RAB11FIP4: variants seen among roughly 807,000 people sequenced by gnomAD.
RAB11FIP4 encodes the protein rab11 family-interacting protein 4.
In RAB11FIP4, 23 loss-of-function variants were observed where a neutral mutation model predicts 74.3. That is an observed-to-expected ratio of 0.31 (90% confidence interval 0.22 to 0.44). The LOEUF is 0.44. RAB11FIP4 is among the 20% of genes least tolerant of loss of function. RAB11FIP4 has a pLI of 1.00. For missense variants in RAB11FIP4, 630 were observed against 863.9 expected (o/e 0.73, Z 3.39); for synonymous variants, 360 against 359.9 (o/e 1.00, Z 0.00).
At chr17:31,411,540 G>A (rs2071096030) in intron 1 of RAB11FIP4, among the ~76,000 whole-genome samples, 1 of 152,200 alleles carries the variant, frequency 6.6e-6, no homozygotes, top group Non-Finnish European at 1.5e-5. Context: ...GTGTGTAGGT[G>A]CCACACGCCT....
At chr17:31,445,798 C>T (rs898987332) in intron 3 of RAB11FIP4, among the ~76,000 whole-genome samples, 17 of 150,442 alleles carry the variant, frequency 1.1e-4, no homozygotes, top group African/African-American at 3.7e-4. Context: ...ACCATGTTGG[C>T]CAGGCTGGTC....
intron 1 of RAB11FIP4, among the ~76,000 whole-genome samples, chr17:31,396,041 C>T (rs1303518349): frequency 6.6e-6 from 1 of 151,698 alleles, no homozygotes; most frequent in Non-Finnish European, 1.5e-5. Flanking sequence ...AAAATTAGCC[C>T]GGTGTAGTGG....
At chr17:31,423,120 C>T (rs1015203987) in intron 1 of RAB11FIP4, among the ~76,000 whole-genome samples, 9 of 152,062 alleles carry the variant, frequency 5.9e-5, no homozygotes, top group East Asian at 1.9e-4. Context: ...GGGGTTTCAC[C>T]ATGTTAGCCA....
rs1350933845 is a variant in RAB11FIP4 at position 31,507,194 on chromosome 17, G to T, written c.337-10457G>T. Among the ~76,000 whole-genome samples, 2 of 152,148 alleles carry T rather than the reference G, an allele frequency of 1.3e-5. 1 individual carries two copies. The highest frequency in any genetic ancestry group is 2.9e-5 in the Non-Finnish European group (2 of 68,032). Reference sequence around the variant, plus strand: ...CTCGGGAGGCTGAGGCAGGAGAATCGCTTGATTCCGGGAGGTGGAGGTTGC... The same window carrying T: ...CTCGGGAGGCTGAGGCAGGAGAATCTCTTGATTCCGGGAGGTGGAGGTTGC... On this transcript the variant is annotated intron_variant, in intron 3 of 14. Coordinates refer to ENST00000621161, the MANE Select transcript of RAB11FIP4 (RefSeq NM_032932.6).
intron 1 of RAB11FIP4, among the ~76,000 whole-genome samples, chr17:31,422,855 G>A (rs2071212518): frequency 6.6e-6 from 1 of 150,430 alleles, no homozygotes; most frequent in African/African-American, 2.4e-5. Flanking sequence ...CTTTTTTAAA[G>A]TCTTTGTCTA....
At chr17:31,459,989 T>A (rs576611193) in intron 3 of RAB11FIP4, among the ~76,000 whole-genome samples, 4 of 152,270 alleles carry the variant, frequency 2.6e-5, no homozygotes, top group East Asian at 3.9e-4. Context: ...TGCCTTGCGG[T>A]CACTCCCGGC....
At chr17:31,450,361 T>TTAC (rs61691674) in intron 3 of RAB11FIP4, among the ~76,000 whole-genome samples, 1 of 144,642 alleles carries the variant, frequency 6.9e-6, no homozygotes, top group Non-Finnish European at 1.5e-5. Context: ...ATTATTATTA[T>TTAC]TGAGACAGAG....
chr17:31,453,792 C>CAAAAAAAAAAAAAA (rs555119408), intron 3 of RAB11FIP4, among the ~76,000 whole-genome samples: 12 of 62,468 alleles, frequency 1.9e-4, no homozygotes, highest in Admixed American at 7.3e-4. Context: ...AGACTCGTCT[C>CAAAAAAAAAAAAAA]AAAAAAAAAA....
At chr17:31,498,724 C>T (rs993342410) in intron 3 of RAB11FIP4, among the ~76,000 whole-genome samples, 4 of 152,218 alleles carry the variant, frequency 2.6e-5, no homozygotes, top group Admixed American at 6.5e-5. Flanking sequence ...ATAGTGGCCT[C>T]TCTCTGGAAA....
intron 3 of RAB11FIP4, among the ~76,000 whole-genome samples, chr17:31,485,063 T>C (rs1176292798): frequency 6.6e-6 from 1 of 152,190 alleles, no homozygotes; most frequent in African/African-American, 2.4e-5. Flanking sequence ...CTGCCATTTA[T>C]TGAGCACCTG....
At chr17:31,527,623 A>G (rs1454496379) in intron 10 of RAB11FIP4, 1 of 419,578 alleles carries the variant, frequency 2.4e-6, no homozygotes, top group East Asian at 3.6e-5. Context: ...TAAGAATGAT[A>G]ATTTACTATT....
intron 3 of RAB11FIP4, among the ~76,000 whole-genome samples, chr17:31,464,446 C>CT (rs2071664634): frequency 6.6e-6 from 1 of 152,076 alleles, no homozygotes; most frequent in African/African-American, 2.4e-5. Flanking sequence ...GACATTATCT[C>CT]TTTTTTTCTT....
Position 31,528,795 on chromosome 17 carries a change from CTG to C in RAB11FIP4, c.1653+21_1653+22del. On this transcript the variant is annotated intron_variant, in intron 13 of 14. Transcript: ENST00000621161. Reference sequence around the variant, plus strand: ...CTCAAGCAGGTGGGTCTAGCAGTCTCTGTGTCCAGTGGGGCAGGGTGGCCGGG... The same window carrying C: ...CTCAAGCAGGTGGGTCTAGCAGTCTCTGTCCAGTGGGGCAGGGTGGCCGGG... 1 of 1,598,936 alleles carries C rather than the reference CTG, an allele frequency of 6.3e-7. No individual in the cohort carries two copies. Among genetic ancestry groups the C allele is most frequent in the Non-Finnish European group, 8.5e-7 (1 of 1,171,716 alleles).
chr17:31,417,271 C>G (rs1361073426), intron 1 of RAB11FIP4, among the ~76,000 whole-genome samples: 1 of 152,136 alleles, frequency 6.6e-6, no homozygotes, highest in East Asian at 1.9e-4. Flanking sequence ...GCCCCAGCAC[C>G]TGCCTCACCT....
intron 1 of RAB11FIP4, among the ~76,000 whole-genome samples, chr17:31,398,073 G>A (rs1010248354): frequency 1.3e-5 from 2 of 150,922 alleles, no homozygotes; most frequent in Non-Finnish European, 2.9e-5. Flanking sequence ...TTTTTGAGAC[G>A]GAGTCTCACT....
At chr17:31,420,535 A>AT (rs1190842397) in intron 1 of RAB11FIP4, among the ~76,000 whole-genome samples, 2 of 151,026 alleles carry the variant, frequency 1.3e-5, no homozygotes, top group African/African-American at 4.9e-5. Flanking sequence ...GCTCAGCCTC[A>AT]TTTTTTATAT....
chr17:31,394,931 CGGGGGGCGGG>C (rs1219348153), intron 1 of RAB11FIP4, among the ~76,000 whole-genome samples: 1 of 298 alleles, frequency 3.4e-3, no homozygotes, highest in Admixed American at 0.071. Context: ...GGTGGGGTGG[CGGGGGGCGGG>C]GGGGGGGGGC....
At chr17:31,504,162 G>A (rs1440179721) in intron 3 of RAB11FIP4, among the ~76,000 whole-genome samples, 3 of 137,214 alleles carry the variant, frequency 2.2e-5, no homozygotes, top group Admixed American at 7.5e-5. Flanking sequence ...ACATTGTCTC[G>A]CTCTGTCACC....
intron 1 of RAB11FIP4, chr17:31,392,378 C>T (rs1388963449): frequency 5.9e-6 from 1 of 170,078 alleles, no homozygotes. Context: ...GCTGCGGAGA[C>T]CAAGATGCAA....
Sources: gnomAD v4.1 joint callset for allele counts (sites outside exome capture counted in the v4.1 genomes callset) on GRCh38, gnomAD v4.1.1 for gene constraint, MANE v1.5 for transcripts, NCBI Gene and HGNC (gene_info 2026-07-23, HGNC 2026-07-21) for gene names.